MARCHF8: variants seen among roughly 807,000 people sequenced by gnomAD.
MARCHF8 encodes the protein E3 ubiquitin-protein ligase MARCHF8.
A neutral mutation model predicts 51.6 loss-of-function variants in MARCHF8; 40 were observed. The ratio of observed to expected loss-of-function variants is 0.77; its 90% CI spans 0.60 to 1.01. The LOEUF (loss-of-function observed/expected upper bound fraction) is 1.01, where lower values mean the gene tolerates loss of function less well. Ranked by LOEUF, MARCHF8 falls within the 50% of genes least tolerant of loss-of-function variation. The pLI, the probability that MARCHF8 is intolerant of heterozygous loss-of-function variation, is 0.00. For missense variants in MARCHF8, 685 were observed against 708.6 expected (o/e 0.97, Z 0.38); for synonymous variants, 263 against 280.3 (o/e 0.94, Z 0.62).
intron 2 of MARCHF8, among the ~76,000 whole-genome samples, chr10:45,516,274 C>CA (rs1427644854): frequency 7.2e-5 from 11 of 152,172 alleles, no homozygotes; most frequent in African/African-American, 2.7e-4. Context: ...CCAGCCTAGA[C>CA]ACAAGAGATC....
At chr10:45,557,213 C>T (rs1294828825) in intron 1 of MARCHF8, among the ~76,000 whole-genome samples, 2 of 150,252 alleles carry the variant, frequency 1.3e-5, no homozygotes, top group Admixed American at 6.6e-5. Context: ...CTGCAACCTC[C>T]GCCTCCCTGG....
At chr10:45,479,872 A>C (rs1332776584) in intron 3 of MARCHF8, among the ~76,000 whole-genome samples, 4 of 152,234 alleles carry the variant, frequency 2.6e-5, no homozygotes, top group Admixed American at 6.5e-5. Context: ...AAAATGTGGA[A>C]GTGACTTTGG....
At chr10:45,459,616 C>T (rs2279434) in intron 6 of MARCHF8, 52,540 of 699,584 alleles carry the variant, frequency 0.075, 2,043 homozygotes, top group Non-Finnish European at 0.078. Context: ...CCAGGTACTA[C>T]GTTTTAAGTC....
intron 1 of MARCHF8, among the ~76,000 whole-genome samples, chr10:45,574,863 T>A (rs958318300): frequency 6.6e-6 from 1 of 151,356 alleles, no homozygotes; most frequent in African/African-American, 2.4e-5. Flanking sequence ...GCCAAACTCA[T>A]TGCCTTAACT....
intron 1 of MARCHF8, among the ~76,000 whole-genome samples, chr10:45,552,394 T>C (rs984311485): frequency 2.0e-5 from 3 of 151,610 alleles, no homozygotes; most frequent in Admixed American, 2.0e-4. Flanking sequence ...CTAGAAAACA[T>C]CTTTTAGTGA....
chr10:45,550,173 A>G (rs182509857), intron 1 of MARCHF8, among the ~76,000 whole-genome samples: 1 of 152,344 alleles, frequency 6.6e-6, no homozygotes, highest in East Asian at 1.9e-4. Context: ...CACACCTATT[A>G]TAAATTCAAA....
At chr10:45,528,760 A>C (rs1467277737) in intron 2 of MARCHF8, among the ~76,000 whole-genome samples, 1 of 152,204 alleles carries the variant, frequency 6.6e-6, no homozygotes, top group Admixed American at 6.5e-5. Flanking sequence ...AAAATAATAA[A>C]ATACTCAGAA....
Position 45,533,223 on chromosome 10 carries a change from A to C in MARCHF8, c.-12T>G, listed in dbSNP as rs1779485526. On this transcript the variant is annotated 5_prime_UTR_variant, in exon 2 of 8. Transcript: ENST00000453424. Reference sequence around the variant, plus strand: ...AGTGGCATGCTCATCCCAACCTCTTATCTGGTCGTCTTCTTCACAGAAGAG... The same window carrying C: ...AGTGGCATGCTCATCCCAACCTCTTCTCTGGTCGTCTTCTTCACAGAAGAG... 1 of 1,598,552 alleles carries C rather than the reference A, an allele frequency of 6.3e-7. No homozygotes were observed.
At chr10:45,544,401 C>T (rs2044095161) in intron 1 of MARCHF8, among the ~76,000 whole-genome samples, 1 of 152,184 alleles carries the variant, frequency 6.6e-6, no homozygotes, top group South Asian at 2.1e-4. Flanking sequence ...AACATACGTC[C>T]ACACAAAGAC....
intron 1 of MARCHF8, among the ~76,000 whole-genome samples, chr10:45,584,220 A>G (rs2044592848): frequency 6.8e-6 from 1 of 147,524 alleles, no homozygotes; most frequent in African/African-American, 2.5e-5. Context: ...CTAAATTTTC[A>G]TCAATGAAAG....
At chr10:45,571,607 G>A (rs2044430381) in intron 1 of MARCHF8, among the ~76,000 whole-genome samples, 1 of 151,908 alleles carries the variant, frequency 6.6e-6, no homozygotes, top group Non-Finnish European at 1.5e-5. Flanking sequence ...ACCTCCCTTG[G>A]GAGATCAATC....
intron 1 of MARCHF8, among the ~76,000 whole-genome samples, chr10:45,560,714 A>C (rs2044301212): frequency 6.6e-6 from 1 of 152,206 alleles, no homozygotes; most frequent in Non-Finnish European, 1.5e-5. Context: ...GTCGGACCCC[A>C]CATCTGTCCT....
intron 1 of MARCHF8, among the ~76,000 whole-genome samples, chr10:45,559,224 A>T (rs557404726): frequency 1.5e-4 from 23 of 152,366 alleles, no homozygotes; most frequent in Non-Finnish European, 2.8e-4. Context: ...TGTGAAAATC[A>T]CTTGCAAACT....
intron 2 of MARCHF8, among the ~76,000 whole-genome samples, chr10:45,494,072 A>G (rs1365930385): frequency 6.6e-6 from 1 of 152,262 alleles, no homozygotes; most frequent in African/African-American, 2.4e-5. Context: ...AATGGTACAG[A>G]TTGGGAAAGA....
At chr10:45,554,132 A>G (rs1443806879) in intron 1 of MARCHF8, among the ~76,000 whole-genome samples, 1 of 152,252 alleles carries the variant, frequency 6.6e-6, no homozygotes, top group East Asian at 1.9e-4. Flanking sequence ...ATAGGAATCT[A>G]TCCTAAAAAT....
intron 2 of MARCHF8, among the ~76,000 whole-genome samples, chr10:45,512,782 A>AG (rs1040674550): frequency 1.3e-5 from 2 of 152,160 alleles, no homozygotes; most frequent in Non-Finnish European, 2.9e-5. Context: ...TGGAATAGAA[A>AG]GGGGGGAAAG....
At position 45,456,495 on chromosome 10, in the gene MARCHF8, G is replaced by C. The variant is rs1376491019; in HGVS notation, c.*1744C>G. The C allele has an allele frequency of 6.6e-6, 1 of 152,258 alleles. No homozygotes were observed. The highest frequency in any genetic ancestry group is 2.4e-5 in the African/African-American group (1 of 41,456). The allele number at this position is 152,258 out of a possible 1,614,324, so 9.4% of individuals were successfully genotyped here. On this transcript the variant is annotated 3_prime_UTR_variant, in exon 8 of 8. Transcript: ENST00000453424. ...GCTATTAAGCCCACACCGTAGCTTAGAGATCCTTCAGCCTCCTGGCCTTCA... is the reference window on the plus strand; with the variant it reads ...GCTATTAAGCCCACACCGTAGCTTACAGATCCTTCAGCCTCCTGGCCTTCA...
intron 1 of MARCHF8, among the ~76,000 whole-genome samples, chr10:45,591,956 C>T (rs1247012860): frequency 2.6e-5 from 4 of 152,204 alleles, no homozygotes; most frequent in Non-Finnish European, 4.4e-5. Context: ...GGGCACCCAT[C>T]CTTCCTCTCA....
chr10:45,535,736 C>T (rs972495171), upstream of MARCHF8, among the ~76,000 whole-genome samples: 1 of 152,160 alleles, frequency 6.6e-6, no homozygotes, highest in Non-Finnish European at 1.5e-5. Flanking sequence ...TGCATAATTT[C>T]CAAACATCTT....
Sources: allele counts gnomAD v4.1 joint callset (sites outside exome capture counted in the v4.1 genomes callset), GRCh38; gene constraint gnomAD v4.1.1; transcripts MANE v1.5; gene names NCBI Gene and HGNC (gene_info 2026-07-23, HGNC 2026-07-21).